The following JRK variants were observed in gnomAD, a reference collection of about 807,000 sequenced individuals.
The protein encoded by JRK is jerky protein homolog.
For synonymous variants in JRK, 303 were observed against 218.1 expected (o/e 1.39, Z -3.43); for missense variants, 720 against 509.2 (o/e 1.41, Z -3.98).
At position 142,666,373 on chromosome 8, in the gene JRK, C is replaced by A. The variant is rs587754249; in HGVS notation, c.-315G>T. On this transcript the variant is annotated 5_prime_UTR_variant, in exon 2 of 2. Transcript: ENST00000612905. ...TCAGACTCCCCTCTGCTGCTCCACA[C>A]GGCTGGAACTCCGGCCTTCTCTGTG... 2 of 478,538 alleles carry A rather than the reference C, an allele frequency of 4.2e-6. No homozygotes were observed. The highest frequency in any genetic ancestry group is 4.3e-5 in the South Asian group (2 of 46,584). 29.6% of individuals were successfully genotyped at this position (478,538 alleles called of 1,614,324 possible). A position where few individuals can be genotyped will look rare whatever the true frequency, so the allele number is the denominator to read the frequency against.
chr8:142,663,455 A>C lies in JRK; in HGVS notation c.*897T>G. 1.0e-6 allele frequency: 1 copy of C among 985,452 alleles called. No individual in the cohort carries two copies. Among genetic ancestry groups the C allele is most frequent in the African/African-American group, 1.7e-5 (1 of 57,360 alleles). 61.0% of individuals were successfully genotyped at this position (985,452 alleles called of 1,614,324 possible). On this transcript the variant is annotated 3_prime_UTR_variant, in exon 2 of 2. Transcript: ENST00000612905. ...CCTGTTTTACTGTTTTCAGTGACTT[A>C]CGTGCAAACCTAAGACTAATCTCTG...
In JRK at chr8:142,658,624, C is replaced by T. The variant is rs1489680409; in HGVS notation, c.*5728G>A. The T allele has an allele frequency of 8.1e-6, 4 of 491,360 alleles. No homozygotes were observed. Among genetic ancestry groups the T allele is most frequent in the Admixed American group, 3.7e-5 (1 of 27,080 alleles). The allele number at this position is 491,360 out of a possible 1,614,324, so 30.4% of individuals were successfully genotyped here. ...ATCTCATCGGCGAGCCCCACCCTCA[C>T]GATCTCACCTAAGCCTAGTCACCTC... On this transcript the variant is annotated 3_prime_UTR_variant, in exon 2 of 2. Transcript: ENST00000612905.
chr8:142,659,345 C>T lies in JRK; in HGVS notation c.*5007G>A. 1.0e-6 allele frequency: 1 copy of T among 993,964 alleles called. No homozygotes were observed. The highest frequency in any genetic ancestry group is 1.2e-6 in the Non-Finnish European group (1 of 835,176). 61.6% of individuals were successfully genotyped at this position (993,964 alleles called of 1,614,324 possible). A position where few individuals can be genotyped will look rare whatever the true frequency, so the allele number is the denominator to read the frequency against. On this transcript the variant is annotated 3_prime_UTR_variant, in exon 2 of 2. Transcript: ENST00000612905. ...GACACTGGGCAACACATTCCCTGCT[C>T]TGGACCTCAGTTCCTTTGGCTACTA...
Position 142,658,815 on chromosome 8 carries a change from G to GTCTT in JRK, c.*5533_*5536dup. On this transcript the variant is annotated 3_prime_UTR_variant, in exon 2 of 2. Coordinates refer to ENST00000612905, the MANE Select transcript of JRK (RefSeq NM_003724.4). ...CAAGGGCACTGGTGGGGACAGAGGG[G>GTCTT]TCTTACCCAGCACTGCCATGTGGCA... 6.3e-7 allele frequency: 1 copy of GTCTT among 1,595,126 alleles called. No homozygotes were observed. The highest frequency in any genetic ancestry group is 1.1e-5 in the South Asian group (1 of 87,856).
At chr8:142,647,204 T>C in the JRK span, among the ~76,000 whole-genome samples, 2 of 152,136 alleles carry the variant, frequency 1.3e-5, no homozygotes, top group South Asian at 4.1e-4. Context: ...ATCCTGGGTC[T>C]CCACAAAGGG....
downstream of JRK, among the ~76,000 whole-genome samples, chr8:142,653,432 G>A (rs898299788): frequency 1.3e-5 from 2 of 152,280 alleles, no homozygotes; most frequent in Admixed American, 6.5e-5. Context: ...GGAGTGCAGT[G>A]GCAGAATCAT....
At position 142,659,029 on chromosome 8, in the gene JRK, A is replaced by G. The variant is rs1554634162; in HGVS notation, c.*5323T>C. On this transcript the variant is annotated 3_prime_UTR_variant, in exon 2 of 2. Transcript: ENST00000612905. ...GTGTAGTCACTTCCCTCTGCCAGGG[A>G]GAATGGTGGAGGAAGAATGGATTCC... 1 of 1,485,310 alleles carries G rather than the reference A, an allele frequency of 6.7e-7. No homozygotes were observed. Among genetic ancestry groups the G allele is most frequent in the Admixed American group, 2.2e-5 (1 of 44,654 alleles). The allele number at this position is 1,485,310 out of a possible 1,614,324, so 92.0% of individuals were successfully genotyped here.
At chr8:142,647,841 C>A in the JRK span, among the ~76,000 whole-genome samples, 6,564 of 152,296 alleles carry the variant, frequency 0.043, 149 homozygotes, top group Non-Finnish European at 0.053. Flanking sequence ...GGCTCAGAAG[C>A]AGCCAGGGAA....
At chr8:142,656,193 A>T (rs782381969), downstream of JRK, among the ~76,000 whole-genome samples, 8 of 152,168 alleles carry the variant, frequency 5.3e-5, no homozygotes, top group Non-Finnish European at 8.8e-5. Flanking sequence ...ATCTTAGGTA[A>T]CCTATTGTAG....
intron 1 of JRK, among the ~76,000 whole-genome samples, chr8:142,669,364 C>T (rs1847247772): frequency 6.6e-6 from 1 of 151,966 alleles, no homozygotes; most frequent in Non-Finnish European, 1.5e-5. Context: ...AGAGAGCGCC[C>T]GAGAGCCGGC....
chr8:142,664,744 T>A lies in JRK; in HGVS notation c.1315A>T (p.Ser439Cys). The A allele has an allele frequency of 6.3e-7, 1 of 1,594,732 alleles. No individual in the cohort carries two copies. Among genetic ancestry groups the A allele is most frequent in the Non-Finnish European group, 8.5e-7 (1 of 1,171,382 alleles). ...GCCTCCCTTCCCGCTACCCCCCAGC[T>A]GGCGGCCTGGCGCTGGCGAAGCTGG... Reference protein sequence around the residue: ...PGQLRQRQAASWGVAGREAEG... With the variant: ...PGQLRQRQAACWGVAGREAEG... Residue 439 changes from serine (S) to cysteine (C), a missense_variant, in exon 2 of 2, where the codon AGC becomes TGC. Physicochemically the swap from Ser to Cys is moderately radical, Grantham distance 112. Coordinates refer to ENST00000612905, the MANE Select transcript of JRK (RefSeq NM_003724.4).
At chr8:142,667,854 T>G (rs1286674098) in intron 1 of JRK, among the ~76,000 whole-genome samples, 2 of 152,102 alleles carry the variant, frequency 1.3e-5, no homozygotes, top group Admixed American at 1.3e-4. Context: ...CACCCTCTCA[T>G]AACAACTCTG....
Position 142,663,400 on chromosome 8 carries a change from G to A in JRK, c.*952C>T, listed in dbSNP as rs1333266504. 26 of 985,346 alleles carry A rather than the reference G, an allele frequency of 2.6e-5. No individual in the cohort carries two copies. The highest frequency in any genetic ancestry group is 4.8e-6 in the Non-Finnish European group (4 of 829,940). The allele number at this position is 985,346 out of a possible 1,614,324, so 61.0% of individuals were successfully genotyped here. ...CTAACGTGCTAACAGCTGGGGATAA[G>A]AGCACACATACTGCTAGAAATCTAA... On this transcript the variant is annotated 3_prime_UTR_variant, in exon 2 of 2. Coordinates refer to ENST00000612905, the MANE Select transcript of JRK (RefSeq NM_003724.4).
Position 142,666,089 on chromosome 8 carries a change from G to A in JRK, c.-31C>T. On this transcript the variant is annotated 5_prime_UTR_variant, in exon 2 of 2. Transcript: ENST00000612905. ...GGGGTGGCTGGTCCTAGCACTTGCA[G>A]GACACACGCCTGGCCTGGGCTGCTG... 6.3e-7 allele frequency: 1 copy of A among 1,586,558 alleles called. No individual in the cohort carries two copies. The highest frequency in any genetic ancestry group is 1.1e-5 in the South Asian group (1 of 87,416).
At position 142,666,155 on chromosome 8, in the gene JRK, G is replaced by C. The variant is rs942187679; in HGVS notation, c.-97C>G. 2.5e-5 allele frequency: 38 copies of C among 1,545,478 alleles called. No homozygotes were observed. The highest frequency in any genetic ancestry group is 3.3e-5 in the Non-Finnish European group (38 of 1,144,706). On this transcript the variant is annotated 5_prime_UTR_variant, in exon 2 of 2. Transcript: ENST00000612905. Reference sequence around the variant, plus strand: ...CCTCCTGCTCCCCTTCTGGGGCTCCGTCTCTCCCTCTCCACTCTGCCTGCC... The same window carrying C: ...CCTCCTGCTCCCCTTCTGGGGCTCCCTCTCTCCCTCTCCACTCTGCCTGCC...
At position 142,663,122 on chromosome 8, in the gene JRK, CAGCCTGGT is replaced by C. The variant is rs1350262041; in HGVS notation, c.*1222_*1229del. 9.2e-5 allele frequency: 90 copies of C among 973,096 alleles called. 1 individual carries two copies. In the African/African-American group the frequency reaches 1.6e-3, roughly 17 times the overall value. 60.3% of individuals were successfully genotyped at this position (973,096 alleles called of 1,614,324 possible). A position where few individuals can be genotyped will look rare whatever the true frequency, so the allele number is the denominator to read the frequency against. On this transcript the variant is annotated 3_prime_UTR_variant, in exon 2 of 2. Transcript: ENST00000612905. Reference sequence around the variant, plus strand: ...GAGCTGGGATCACACCACTTCACTCCAGCCTGGTCAACAGAGTGAGACCCTGCCTCAAG... The same window carrying C: ...GAGCTGGGATCACACCACTTCACTCCCAACAGAGTGAGACCCTGCCTCAAG...
Position 142,666,495 on chromosome 8 carries a change from T to G in JRK, c.-437A>C, listed in dbSNP as rs1360328758. ...GGTGCCTCTCCAGGGTCCACAATGG[T>G]ATCTCCAGGCACAGCACTTCAGGGG... is the stretch of plus-strand genomic sequence containing the variant. On this transcript the variant is annotated 5_prime_UTR_variant, in exon 2 of 2. Transcript: ENST00000612905. 5 of 300,614 alleles carry G rather than the reference T, an allele frequency of 1.7e-5. No homozygotes were observed. Among genetic ancestry groups the G allele is most frequent in the Non-Finnish European group, 3.4e-5 (5 of 146,418 alleles). The allele number at this position is 300,614 out of a possible 1,614,324, so 18.6% of individuals were successfully genotyped here.
chr8:142,665,601 T>C lies in JRK; in HGVS notation c.458A>G (p.Glu153Gly). ...HGIKKLDASS[E>G]KQSADHQAAE... is the part of the protein sequence containing the mutation. ...GGCCTGGTGGTCGGCTGACTGCTTTTCACTGGATGCATCTAGCTTTTTAAT... is the reference window on the plus strand; with the variant it reads ...GGCCTGGTGGTCGGCTGACTGCTTTCCACTGGATGCATCTAGCTTTTTAAT... The change falls in exon 2 of 2, where the codon GAA becomes GGA. Residue 153 changes from glutamate to glycine, a missense_variant. Transcript: ENST00000612905. 4.2e-6 allele frequency: 3 copies of C among 718,556 alleles called. No individual in the cohort carries two copies. The highest frequency in any genetic ancestry group is 7.8e-6 in the Non-Finnish European group (3 of 385,094). 44.5% of individuals were successfully genotyped at this position (718,556 alleles called of 1,614,324 possible). A position where few individuals can be genotyped will look rare whatever the true frequency, so the allele number is the denominator to read the frequency against.
intron 1 of JRK, among the ~76,000 whole-genome samples, chr8:142,669,265 G>A (rs1470144557): frequency 1.3e-5 from 2 of 151,722 alleles, no homozygotes; most frequent in African/African-American, 4.8e-5. Flanking sequence ...GTCGCATTCT[G>A]GAGCTGGGGG....
Sources: allele counts gnomAD v4.1 joint callset (sites outside exome capture counted in the v4.1 genomes callset), GRCh38; gene constraint gnomAD v4.1.1; transcripts MANE v1.5; gene names NCBI Gene and HGNC (gene_info 2026-07-23, HGNC 2026-07-21).